Variants in AP3D1 observed in about 807,000 individuals in gnomAD.
AP3D1 encodes AP-3 complex subunit delta-1.
AP3D1 carries 51 observed loss-of-function variants against 147.6 expected under a neutral mutation model. That is an observed-to-expected ratio of 0.35 (90% CI 0.28 to 0.44). The LOEUF (loss-of-function observed/expected upper bound fraction) is 0.44. AP3D1 is among the 20% of genes least tolerant of loss of function. The pLI is 1.00. For missense variants in AP3D1, 1,421 were observed against 1,624.2 expected (o/e 0.87, Z 2.15); for synonymous variants, 760 against 663.0 (o/e 1.15, Z -2.25).
chr19:2,114,907 C>A, intron 20 of AP3D1, 86 bp from the exon 21 acceptor site: 2 of 1,418,828 alleles, frequency 1.4e-6, no homozygotes, highest in Non-Finnish European at 9.9e-7. Flanking sequence ...GTGGGACTGC[C>A]CATGCGGGCC....
At chr19:2,133,516 T>C (rs1189187830) in intron 4 of AP3D1, 1 of 152,090 alleles carries the variant, frequency 6.6e-6, no homozygotes, top group Non-Finnish European at 1.5e-5. Context: ...GCCAGCTTTT[T>C]TTTTTTTGAG....
intron 1 of AP3D1, among the ~76,000 whole-genome samples, chr19:2,147,542 C>T (rs1279254705): frequency 3.0e-5 from 4 of 135,386 alleles, no homozygotes; most frequent in African/African-American, 1.1e-4. Flanking sequence ...GGCAACACAG[C>T]GAGACTCTGA....
intron 16 of AP3D1, 115 bp downstream of exon 16, chr19:2,117,107 A>G: frequency 1.5e-6 from 2 of 1,353,698 alleles, no homozygotes; most frequent in Middle Eastern, 1.9e-4. Flanking sequence ...GAGGCCTCCA[A>G]TCAGCCCCAC....
At chr19:2,109,299 G>A (rs1455384697) in intron 29 of AP3D1, 92 bp from the exon 30 acceptor site, 20 of 1,463,704 alleles carry the variant, frequency 1.4e-5, no homozygotes, top group African/African-American at 2.9e-5. Context: ...CACACGCTGC[G>A]CTTGGACACC....
Position 2,136,991 on chromosome 19 carries a change from C to T in AP3D1, c.354+20G>A, listed in dbSNP as rs1599483644. 6.4e-7 allele frequency: 1 copy of T among 1,569,752 alleles called. No homozygotes were observed. Among genetic ancestry groups the T allele is most frequent in the Non-Finnish European group, 8.6e-7 (1 of 1,157,530 alleles). On this transcript the variant is annotated intron_variant, in intron 4 of 31. Coordinates refer to ENST00000643116, the MANE Select transcript of AP3D1 (RefSeq NM_001261826.3). Reference sequence around the variant, plus strand: ...CAGACTGCACTCAGCACAGAGCGGCCCCGGCCCGGGAACACCCACCTTACG... The same window carrying T: ...CAGACTGCACTCAGCACAGAGCGGCTCCGGCCCGGGAACACCCACCTTACG...
At chr19:2,137,416 C>T (rs1002969723) in intron 3 of AP3D1, among the ~76,000 whole-genome samples, 2 of 151,986 alleles carry the variant, frequency 1.3e-5, no homozygotes, top group Non-Finnish European at 2.9e-5. Context: ...CGGGTTCAAG[C>T]AATTCTCCTG....
intron 12 of AP3D1, among the ~76,000 whole-genome samples, 162 bp downstream of exon 12, chr19:2,121,571 CA>C (rs1367031708): frequency 2.0e-5 from 3 of 152,246 alleles, no homozygotes; most frequent in Non-Finnish European, 2.9e-5. Context: ...CCCTGGAAGA[CA>C]GGCATGGACC....
In AP3D1 at chr19:2,121,656, C is replaced by T. The variant is rs149653703; in HGVS notation, c.1101+78G>A. 2.0e-3 allele frequency: 3,036 copies of T among 1,502,014 alleles called. 71 individuals are homozygous for T. In the South Asian group the frequency reaches 0.034, roughly 17 times the overall value. 93.0% of individuals were successfully genotyped at this position (1,502,014 alleles called of 1,614,324 possible). A position where few individuals can be genotyped will look rare whatever the true frequency, so the allele number is the denominator to read the frequency against. On this transcript the variant is annotated intron_variant, in intron 12 of 31. Transcript: ENST00000643116. ...GTGTGAGGGGACTCCATGCATTCCA[C>T]GTGGCTCTGCACCTGACACTTAATG...
chr19:2,153,601 G>A (rs1053048834), upstream of AP3D1, among the ~76,000 whole-genome samples: 8 of 151,722 alleles, frequency 5.3e-5, no homozygotes, highest in African/African-American at 1.9e-4. Context: ...GCTCCGCCCA[G>A]GGGGCGGAGG....
At chr19:2,126,672 G>A (rs111315425) in intron 9 of AP3D1, among the ~76,000 whole-genome samples, 36,283 of 141,094 alleles carry the variant, frequency 0.26, 5,117 homozygotes, top group East Asian at 0.36. Context: ...AAAAAAAAAA[G>A]AAAGAAAAAG....
At chr19:2,151,133 G>A (rs1466638063) in intron 1 of AP3D1, 106 bp downstream of exon 1, 2 of 1,143,980 alleles carry the variant, frequency 1.7e-6, no homozygotes, top group Non-Finnish European at 2.4e-6. Context: ...CTCCAACTAA[G>A]ACAGAGCCCG....
intron 2 of AP3D1, 66 bp downstream of exon 2, chr19:2,138,553 G>A: frequency 8.3e-7 from 1 of 1,207,142 alleles, no homozygotes; most frequent in East Asian, 2.3e-5. Context: ...CTGATGAATA[G>A]GGGACACGTG....
intron 11 of AP3D1, among the ~76,000 whole-genome samples, chr19:2,122,663 G>A (rs76463709): frequency 0.13 from 19,309 of 152,236 alleles, 1,349 homozygotes; most frequent in Non-Finnish European, 0.16. Context: ...CATAAAACAC[G>A]GTCACGAAAG....
rs1261459208 is a variant in AP3D1, at chr19:2,138,478, T to C, written c.192+141A>G. 54 of 683,506 alleles carry C rather than the reference T, an allele frequency of 7.9e-5. No individual in the cohort carries two copies. In the Admixed American group the frequency reaches 1.2e-3, roughly 15 times the overall value. 42.3% of individuals were successfully genotyped at this position (683,506 alleles called of 1,614,324 possible). A position where few individuals can be genotyped will look rare whatever the true frequency, so the allele number is the denominator to read the frequency against. ...AACATGGCTTTCTGCTCCAGGACTC[T>C]GGGTTGGCCCTGAGTGGCTCACCGA... On this transcript the variant is annotated intron_variant, in intron 2 of 31. Transcript: ENST00000643116.
At chr19:2,133,003 T>A (rs545528376) in intron 4 of AP3D1, among the ~76,000 whole-genome samples, 130 of 152,256 alleles carry the variant, frequency 8.5e-4, no homozygotes, top group African/African-American at 2.7e-3. Flanking sequence ...GAGGCGCCTG[T>A]CACAAGTCAC....
intron 8 of AP3D1, among the ~76,000 whole-genome samples, chr19:2,127,705 T>A (rs2018796876): frequency 6.6e-6 from 1 of 152,140 alleles, no homozygotes; most frequent in African/African-American, 2.4e-5. Flanking sequence ...TTGTATTTTT[T>A]AGGTAGAGAC....
chr19:2,130,844 G>A (rs2018919380), intron 5 of AP3D1, among the ~76,000 whole-genome samples: 1 of 152,262 alleles, frequency 6.6e-6, no homozygotes, highest in Non-Finnish European at 1.5e-5. Context: ...GGTGTGCTGG[G>A]AACACAGCCT....
intron 1 of AP3D1, among the ~76,000 whole-genome samples, chr19:2,148,857 T>C (rs1209793720): frequency 1.3e-5 from 2 of 152,192 alleles, no homozygotes; most frequent in Admixed American, 6.6e-5. Context: ...TATTACGAAA[T>C]GGAAACTTTT....
At chr19:2,114,340 T>C in intron 21 of AP3D1, 38 bp from the exon 22 acceptor site, 1 of 1,561,290 alleles carries the variant, frequency 6.4e-7, no homozygotes, top group Admixed American at 1.8e-5. Flanking sequence ...TCAGCACCAC[T>C]GGCCACCCCC....
Sources: gnomAD v4.1 joint callset for allele counts (sites outside exome capture counted in the v4.1 genomes callset) on GRCh38, gnomAD v4.1.1 for gene constraint, MANE v1.5 for transcripts, NCBI Gene and HGNC (gene_info 2026-07-23, HGNC 2026-07-21) for gene names.